The following CHODL variants were observed in gnomAD, a reference collection of about 807,000 sequenced individuals.
CHODL encodes transmembrane protein MT75.
In CHODL, 29 loss-of-function variants were observed where a neutral mutation model predicts 34.5. The observed-to-expected ratio is 0.84, with a 90% CI of 0.63 to 1.15. The LOEUF (loss-of-function observed/expected upper bound fraction) is 1.15, where lower values mean the gene tolerates loss of function less well. Among genes scored for constraint, CHODL ranks in the 50% most tolerant of loss-of-function variants. CHODL has a pLI of 0.00. For synonymous variants in CHODL, 125 were observed against 116.1 expected, an observed-to-expected ratio of 1.08 and a Z score of -0.49; for missense variants, 332 against 332.5, an observed-to-expected ratio of 1.00 and a Z score of 0.01.
At chr21:18,151,032 G>A (rs773458158) in intron 2 of CHODL, among the ~76,000 whole-genome samples, 13 of 145,014 alleles carry the variant, frequency 9.0e-5, no homozygotes, top group East Asian at 2.1e-4. Flanking sequence ...GCAGTGAGCC[G>A]AGATCGCACC....
chr21:18,042,223 C>T (rs968714229), intron 2 of CHODL, among the ~76,000 whole-genome samples: 2 of 151,802 alleles, frequency 1.3e-5, no homozygotes, highest in Non-Finnish European at 2.9e-5. Flanking sequence ...TTTCCAGGAG[C>T]ACAGCACAGA....
chr21:18,053,490 C>T (rs2064541286), intron 2 of CHODL, among the ~76,000 whole-genome samples: 1 of 151,720 alleles, frequency 6.6e-6, no homozygotes, highest in South Asian at 2.1e-4. Context: ...GCTGAAAAGA[C>T]TAAAATTTTA....
chr21:18,013,635 C>CTGTTTTTTTTTTTTTT (rs2064040705), intron 1 of CHODL, among the ~76,000 whole-genome samples: 1 of 71,896 alleles, frequency 1.4e-5, no homozygotes, highest in African/African-American at 6.3e-5. Flanking sequence ...GCTGCTGCTG[C>CTGTTTTTTTTTTTTTT]TTTTTTTTTT....
chr21:18,171,455 C>T (rs4317014), intron 2 of CHODL, among the ~76,000 whole-genome samples: 73,166 of 150,212 alleles, frequency 0.49, 20,292 homozygotes, highest in Non-Finnish European at 0.64. Flanking sequence ...GATCCACCCG[C>T]CTCGGCCTCC....
chr21:18,021,878 T>C (rs909452678), intron 1 of CHODL, among the ~76,000 whole-genome samples: 1 of 152,186 alleles, frequency 6.6e-6, no homozygotes, highest in East Asian at 1.9e-4. Context: ...AAGAGTGTTA[T>C]TATCTGAATA....
At position 17,955,266 on chromosome 21, in the gene CHODL, T is replaced by C. The variant is rs372693751; in HGVS notation, c.-145+37866T>C. Among the ~76,000 whole-genome samples, 48 of 137,824 alleles carry C rather than the reference T, an allele frequency of 3.5e-4. 6 individuals carry two copies. In the East Asian group the frequency reaches 5.4e-3, roughly 15 times the overall value. 90.4% of individuals were successfully genotyped at this position (137,824 alleles called of 152,430 possible). A position where few individuals can be genotyped will look rare whatever the true frequency, so the allele number is the denominator to read the frequency against. On this transcript the variant is annotated intron_variant, in intron 1 of 6. Transcript: ENST00000400127. ...TGGGATTAAATATTATCCTGGAGAT[T>C]CATCTCATGATTGCAGGTGGCATTA...
At chr21:18,241,077 T>C (rs895445860), upstream of CHODL, among the ~76,000 whole-genome samples, 2 of 152,138 alleles carry the variant, frequency 1.3e-5, no homozygotes, top group East Asian at 1.9e-4. Context: ...AGCATAGACA[T>C]GTTTTGAAAA....
intron 2 of CHODL, among the ~76,000 whole-genome samples, chr21:18,142,297 T>C (rs988634771): frequency 1.3e-5 from 2 of 152,120 alleles, no homozygotes; most frequent in African/African-American, 4.8e-5. Flanking sequence ...AATACTTCTT[T>C]AGGCTTCATC....
At chr21:18,231,528 G>C (rs886482273) in intron 2 of CHODL, among the ~76,000 whole-genome samples, 11 of 152,068 alleles carry the variant, frequency 7.2e-5, no homozygotes, top group Admixed American at 7.2e-4. Context: ...AAATATCCAG[G>C]TTGTAGTTCA....
At chr21:18,208,874 AC>A (rs2073742952) in intron 2 of CHODL, among the ~76,000 whole-genome samples, 1 of 89,290 alleles carries the variant, frequency 1.1e-5, no homozygotes, top group South Asian at 4.1e-4. Context: ...TGTCCCCCCC[AC>A]CCCCGCCCCT....
chr21:18,004,010 G>A (rs1156964018), intron 1 of CHODL, among the ~76,000 whole-genome samples: 1 of 152,166 alleles, frequency 6.6e-6, no homozygotes, highest in Non-Finnish European at 1.5e-5. Flanking sequence ...CGTCTTTCAA[G>A]GAATATAGTG....
At chr21:17,941,979 C>A (rs2063368273) in intron 1 of CHODL, among the ~76,000 whole-genome samples, 3 of 152,166 alleles carry the variant, frequency 2.0e-5, no homozygotes, top group Non-Finnish European at 2.9e-5. Context: ...ACTCTTATGA[C>A]CTTATCTTCC....
At chr21:17,947,852 C>G (rs1459641956) in intron 1 of CHODL, among the ~76,000 whole-genome samples, 1 of 152,114 alleles carries the variant, frequency 6.6e-6, no homozygotes, top group African/African-American at 2.4e-5. Flanking sequence ...TGCCTCCACT[C>G]ATATATTTTT....
intron 2 of CHODL, among the ~76,000 whole-genome samples, chr21:18,097,535 T>G (rs1227194505): frequency 1.3e-5 from 2 of 151,940 alleles, no homozygotes; most frequent in African/African-American, 4.8e-5. Context: ...TCTTTACAAA[T>G]GAAACGTATA....
chr21:18,219,497 C>A (rs957081077), intron 2 of CHODL, among the ~76,000 whole-genome samples: 1 of 152,038 alleles, frequency 6.6e-6, no homozygotes. Context: ...ACCATATCAA[C>A]CTTCATACTG....
At chr21:17,993,997 CT>C (rs1034272931) in intron 1 of CHODL, among the ~76,000 whole-genome samples, 18 of 151,952 alleles carry the variant, frequency 1.2e-4, no homozygotes, top group African/African-American at 3.9e-4. Flanking sequence ...AGTCTTCTTT[CT>C]TTTTTTCTTG....
chr21:18,245,848 G>T, intron 1 of CHODL: 1 of 1,400,894 alleles, frequency 7.1e-7, no homozygotes, highest in Non-Finnish European at 9.7e-7. Flanking sequence ...CTGAAGTGTG[G>T]TCATTGCGTG....
chr21:18,265,844 G>A (rs1363031063), intron 5 of CHODL, 110 bp from the exon 6 acceptor site: 1 of 762,746 alleles, frequency 1.3e-6, no homozygotes, highest in Non-Finnish European at 2.1e-6. Flanking sequence ...ATACTGCTGA[G>A]AGGGGGAGTC....
chr21:18,016,833 C>A (rs187654374), intron 1 of CHODL, among the ~76,000 whole-genome samples: 2 of 152,366 alleles, frequency 1.3e-5, no homozygotes, highest in East Asian at 3.9e-4. Flanking sequence ...AAACCCACCA[C>A]TTGCATCAGT....
Sources: allele counts gnomAD v4.1 joint callset (sites outside exome capture counted in the v4.1 genomes callset), GRCh38; gene constraint gnomAD v4.1.1; transcripts MANE v1.5; gene names NCBI Gene and HGNC (gene_info 2026-07-23, HGNC 2026-07-21).